Variants in FRY observed in about 807,000 individuals in gnomAD.
FRY encodes the protein protein furry homolog.
FRY carries 128 observed loss-of-function variants against 348.4 expected under a neutral mutation model. That is an observed-to-expected ratio of 0.37 (90% CI 0.32 to 0.43). FRY has a LOEUF of 0.43. Ranked by LOEUF, FRY falls within the 20% of genes least tolerant of loss-of-function variation. The probability of loss-of-function intolerance (pLI) is 1.00; values close to 1 mark genes in which losing one functional copy is unlikely to be tolerated. For synonymous variants in FRY, 1,370 were observed against 1,374.7 expected, an observed-to-expected ratio of 1.00 and a Z score of 0.08; for missense variants, 2,736 against 3,695.2, an observed-to-expected ratio of 0.74 and a Z score of 6.73.
In FRY at chr13:32,294,569, A is replaced by G; in HGVS notation, c.8782A>G (p.Arg2928Gly). The G allele has an allele frequency of 1.2e-6, 2 of 1,611,622 alleles. No individual in the cohort carries two copies. Among genetic ancestry groups the G allele is most frequent in the South Asian group, 1.1e-5 (1 of 91,024 alleles). ...GKALRQIREC[R>G]SLWPNDIFGS... is the part of the protein sequence containing the mutation. ...AGCTTTGCGGCAGATCAGGGAGTGCAGGTGACTCTGCTATTTCTTTTAGAG... is the reference window on the plus strand; with the variant it reads ...AGCTTTGCGGCAGATCAGGGAGTGCGGGTGACTCTGCTATTTCTTTTAGAG... The change falls in exon 60 of 61, where the codon AGA (arginine) becomes GGA (glycine). Residue 2928 changes from arginine (R) to glycine (G), a missense_variant and splice_region_variant. Physicochemically the swap from Arg to Gly is moderately radical, Grantham distance 125 (BLOSUM62 -2). This residue lies in a region of FRY where 157 missense variants were observed against 215.2 expected (regional missense o/e 0.73). Coordinates refer to ENST00000542859, the MANE Select transcript of FRY (RefSeq NM_023037.3).
chr13:32,108,667 G>C (rs1190530125), intron 3 of FRY, among the ~76,000 whole-genome samples: 1 of 152,178 alleles, frequency 6.6e-6, no homozygotes, highest in Non-Finnish European at 1.5e-5. Context: ...TCTTTCATGT[G>C]GGGGAGGGAA....
rs370181963 is a variant in FRY, at chr13:32,225,083, T to C, written c.5020+47T>C. The C allele has an allele frequency of 7.1e-5, 73 of 1,027,938 alleles. 1 individual carries two copies. Among genetic ancestry groups the C allele is most frequent in the East Asian group, 2.4e-5 (1 of 42,308 alleles). The allele number at this position is 1,027,938 out of a possible 1,614,324, so 63.7% of individuals were successfully genotyped here. ...ATTCTAGCCAATCGGGTTAAAAATA[T>C]ACAGAAGTAATCCGTAGAGATTTCC... On this transcript the variant is annotated intron_variant, in intron 38 of 60. Coordinates refer to ENST00000542859, the MANE Select transcript of FRY (RefSeq NM_023037.3).
intron 1 of FRY, among the ~76,000 whole-genome samples, chr13:32,032,270 G>A (rs2138329306): frequency 6.6e-6 from 1 of 152,304 alleles, no homozygotes; most frequent in South Asian, 2.1e-4. Flanking sequence ...TTTGTGAAGT[G>A]TGATTTAATC....
intron 46 of FRY, among the ~76,000 whole-genome samples, chr13:32,240,392 A>T (rs1886437282): frequency 6.6e-6 from 1 of 152,218 alleles, no homozygotes; most frequent in Admixed American, 6.5e-5. Context: ...TTCAAATCTT[A>T]TTTAAGGAGT....
chr13:32,189,848 T>C (rs1386659941), intron 28 of FRY, among the ~76,000 whole-genome samples: 1 of 151,884 alleles, frequency 6.6e-6, no homozygotes, highest in Non-Finnish European at 1.5e-5. Flanking sequence ...AGAAAGAAAA[T>C]TAAAAGGCAG....
At chr13:32,136,431 C>T (rs1054682986) in intron 10 of FRY, among the ~76,000 whole-genome samples, 1 of 152,142 alleles carries the variant, frequency 6.6e-6, no homozygotes, top group African/African-American at 2.4e-5. Flanking sequence ...AAAATATAGA[C>T]AACTACCTCT....
chr13:32,243,492 C>A (rs1886618712), intron 46 of FRY, among the ~76,000 whole-genome samples: 1 of 152,148 alleles, frequency 6.6e-6, no homozygotes, highest in African/African-American at 2.4e-5. Flanking sequence ...TGCTCTTGAT[C>A]TTATTTGCCA....
intron 58 of FRY, among the ~76,000 whole-genome samples, chr13:32,279,079 C>G (rs206088): frequency 2.0e-5 from 3 of 152,038 alleles, no homozygotes; most frequent in Non-Finnish European, 4.4e-5. Context: ...GGAGGACACA[C>G]TCATGAGCAA....
At chr13:32,235,872 T>C (rs1886199713) in intron 42 of FRY, among the ~76,000 whole-genome samples, 1 of 152,216 alleles carries the variant, frequency 6.6e-6, no homozygotes, top group Non-Finnish European at 1.5e-5. Context: ...TTGAGGCTCT[T>C]AGACATAGGA....
intron 2 of FRY, among the ~76,000 whole-genome samples, chr13:32,099,830 C>T (rs1298593809): frequency 6.6e-6 from 1 of 151,944 alleles, no homozygotes; most frequent in Non-Finnish European, 1.5e-5. Flanking sequence ...AAAAAATGCT[C>T]TGCTGGAAGA....
intron 35 of FRY, among the ~76,000 whole-genome samples, chr13:32,213,542 T>G (rs1884806275): frequency 6.6e-6 from 1 of 152,256 alleles, no homozygotes; most frequent in African/African-American, 2.4e-5. Flanking sequence ...CACATATTAG[T>G]GAAGGTACAA....
chr13:32,200,961 C>A, intron 29 of FRY, among the ~76,000 whole-genome samples: 1 of 152,144 alleles, frequency 6.6e-6, no homozygotes, highest in Admixed American at 6.5e-5. Flanking sequence ...CCCATACAAT[C>A]CATTCTCCAC....
intron 4 of FRY, among the ~76,000 whole-genome samples, chr13:32,119,078 A>G (rs1371632283): frequency 6.6e-6 from 1 of 152,226 alleles, no homozygotes; most frequent in Non-Finnish European, 1.5e-5. Flanking sequence ...TCAGGAGATC[A>G]GAGTAAGTAC....
At chr13:32,206,092 TC>T (rs1884334731) in intron 31 of FRY, among the ~76,000 whole-genome samples, 1 of 151,910 alleles carries the variant, frequency 6.6e-6, no homozygotes, top group Non-Finnish European at 1.5e-5. Context: ...CTGCTGGACT[TC>T]CTCCTGTATG....
intron 11 of FRY, among the ~76,000 whole-genome samples, chr13:32,140,274 G>A (rs918104701): frequency 1.3e-5 from 2 of 152,168 alleles, no homozygotes; most frequent in Non-Finnish European, 2.9e-5. Flanking sequence ...ATGCTTTCAT[G>A]AATGTTGTTT....
intron 19 of FRY, among the ~76,000 whole-genome samples, chr13:32,173,945 C>A (rs1207971880): frequency 1.3e-5 from 2 of 152,106 alleles, no homozygotes; most frequent in Non-Finnish European, 2.9e-5. Context: ...AAGAGTTTGG[C>A]AAATTGAAAG....
chr13:32,217,257 C>A (rs1885049467), intron 35 of FRY, among the ~76,000 whole-genome samples: 1 of 152,162 alleles, frequency 6.6e-6, no homozygotes, highest in African/African-American at 2.4e-5. Context: ...GTTTTGGCTA[C>A]ATATATATTA....
intron 51 of FRY, 48 bp downstream of exon 51, chr13:32,254,442 C>T (rs1887235731): frequency 2.0e-6 from 3 of 1,470,230 alleles, no homozygotes; most frequent in South Asian, 2.3e-5. Flanking sequence ...TTTTCCTTGA[C>T]TAATGAAACT....
intron 36 of FRY, 138 bp from the exon 37 acceptor site, chr13:32,224,097 C>T (rs1335966669): frequency 1.5e-6 from 1 of 672,448 alleles, no homozygotes; most frequent in African/African-American, 3.5e-5. Context: ...GACCCTGTCC[C>T]TAAAAAAAAT....
Sources: gnomAD v4.1 joint callset for allele counts (sites outside exome capture counted in the v4.1 genomes callset) on GRCh38, gnomAD v4.1.1 for gene constraint, gnomAD v4.1.1 regional missense constraint, MANE v1.5 for transcripts, NCBI Gene and HGNC (gene_info 2026-07-23, HGNC 2026-07-21) for gene names.